Variants in SNCAIP observed in about 807,000 individuals in gnomAD.
SNCAIP encodes the protein synphilin-1.
Under a neutral mutation model 86.7 loss-of-function variants are expected in SNCAIP, and 43 were observed. That is an observed-to-expected ratio of 0.50 (90% CI 0.39 to 0.64). The LOEUF (loss-of-function observed/expected upper bound fraction) is 0.64, where lower values mean the gene tolerates loss of function less well. SNCAIP is among the 30% of genes least tolerant of loss of function. The pLI, the probability that SNCAIP is intolerant of heterozygous loss-of-function variation, is 0.00. For synonymous variants in SNCAIP, 417 were observed against 427.2 expected (o/e 0.98, Z 0.29); for missense variants, 981 against 1,103.1 (o/e 0.89, Z 1.57).
chr5:122,409,547 C>T (rs1332925444), intron 3 of SNCAIP, among the ~76,000 whole-genome samples: 1 of 152,048 alleles, frequency 6.6e-6, no homozygotes, highest in African/African-American at 2.4e-5. Context: ...AATTTTATAC[C>T]TAAATAATAT....
At chr5:122,386,633 TGTCATTAGCA>T (rs952935466) in intron 1 of SNCAIP, among the ~76,000 whole-genome samples, 1 of 152,154 alleles carries the variant, frequency 6.6e-6, no homozygotes, top group Non-Finnish European at 1.5e-5. Context: ...GGAGCCAAGC[TGTCATTAGCA>T]GTTTCTGCAC....
intron 1 of SNCAIP, among the ~76,000 whole-genome samples, chr5:122,377,622 C>G (rs973532749): frequency 2.6e-5 from 4 of 151,814 alleles, no homozygotes; most frequent in African/African-American, 9.7e-5. Context: ...ATGTGCCATG[C>G]TGGTGCGCTG....
chr5:122,348,308 C>T (rs996689834), intron 1 of SNCAIP, among the ~76,000 whole-genome samples: 4 of 152,120 alleles, frequency 2.6e-5, no homozygotes, highest in Non-Finnish European at 4.4e-5. Flanking sequence ...ATAGCTTTCA[C>T]TGTGTGGAAT....
chr5:122,446,135 C>T (rs2617277), intron 8 of SNCAIP, among the ~76,000 whole-genome samples: 2 of 152,108 alleles, frequency 1.3e-5, no homozygotes, highest in African/African-American at 4.8e-5. Flanking sequence ...AGTAAGCTGT[C>T]TCCCCACAGT....
chr5:122,348,539 T>C (rs1006663702), intron 1 of SNCAIP, among the ~76,000 whole-genome samples: 1 of 152,154 alleles, frequency 6.6e-6, no homozygotes, highest in Non-Finnish European at 1.5e-5. Flanking sequence ...GATTATAAGA[T>C]GCTTATAACA....
At chr5:122,365,645 C>T (rs767423920) in intron 1 of SNCAIP, among the ~76,000 whole-genome samples, 14 of 152,312 alleles carry the variant, frequency 9.2e-5, no homozygotes, top group Non-Finnish European at 1.9e-4. Flanking sequence ...CGCCACTGCA[C>T]TCTAGTCTGG....
rs1783567127 is a variant in SNCAIP, at chr5:122,450,877, A to T, written c.2030A>T (p.Glu677Val). 2 of 1,614,104 alleles carry T rather than the reference A, an allele frequency of 1.2e-6. No homozygotes were observed. The highest frequency in any genetic ancestry group is 4.5e-5 in the East Asian group (2 of 44,880). Residue 677 changes from glutamate to valine, a missense_variant, in exon 10 of 11, where the codon GAG (glutamate) becomes GTG (valine). Transcript: ENST00000261368. ...CAGCTGATGCAGAGGTCACTGAGTG[A>T]GTCTGACACAGACTCCAACAACTCT... ...LRQLMQRSLS[E>V]SDTDSNNSED...
At chr5:122,376,487 G>A (rs1274702465) in intron 1 of SNCAIP, among the ~76,000 whole-genome samples, 1 of 152,076 alleles carries the variant, frequency 6.6e-6, no homozygotes, top group Non-Finnish European at 1.5e-5. Context: ...GACATGATTG[G>A]TTGGCTTAAG....
At chr5:122,320,415 G>A (rs776565911) in intron 1 of SNCAIP, among the ~76,000 whole-genome samples, 14 of 152,154 alleles carry the variant, frequency 9.2e-5, no homozygotes, top group African/African-American at 3.1e-4. Flanking sequence ...TCACAGCAGT[G>A]AGCAGACAGA....
At chr5:122,345,300 C>A (rs940207451) in intron 1 of SNCAIP, among the ~76,000 whole-genome samples, 1 of 152,132 alleles carries the variant, frequency 6.6e-6, no homozygotes, top group African/African-American at 2.4e-5. Context: ...GAACCTATTT[C>A]TTACTTTTAA....
chr5:122,359,167 T>C (rs1405999632), intron 1 of SNCAIP, among the ~76,000 whole-genome samples: 1 of 149,940 alleles, frequency 6.7e-6, no homozygotes, highest in Admixed American at 6.6e-5. Context: ...TAATATGTCA[T>C]TTTTATTTTA....
intron 1 of SNCAIP, among the ~76,000 whole-genome samples, chr5:122,376,009 A>G (rs569115965): frequency 6.6e-5 from 10 of 152,302 alleles, no homozygotes; most frequent in Non-Finnish European, 1.5e-4. Context: ...GACCAGCAGC[A>G]TCAGCATCAC....
At chr5:122,377,397 C>T (rs533600605) in intron 1 of SNCAIP, among the ~76,000 whole-genome samples, 2 of 152,068 alleles carry the variant, frequency 1.3e-5, no homozygotes, top group South Asian at 4.2e-4. Context: ...CTGCACAGCT[C>T]CTGTGAGCAT....
At chr5:122,402,727 C>T (rs1176040056) in intron 2 of SNCAIP, among the ~76,000 whole-genome samples, 1 of 152,178 alleles carries the variant, frequency 6.6e-6, no homozygotes, top group Non-Finnish European at 1.5e-5. Context: ...ACATTCTTCA[C>T]TTGTAATGCT....
At chr5:122,357,527 C>T (rs1473227851) in intron 1 of SNCAIP, among the ~76,000 whole-genome samples, 1 of 152,126 alleles carries the variant, frequency 6.6e-6, no homozygotes, top group Non-Finnish European at 1.5e-5. Flanking sequence ...AGCCACCGTG[C>T]TCAGCCAATG....
chr5:122,440,443 C>G, intron 6 of SNCAIP, 186 bp from the exon 7 acceptor site: 1 of 618,474 alleles, frequency 1.6e-6, no homozygotes, highest in Non-Finnish European at 2.9e-6. Context: ...TCTATGCCGT[C>G]CTCTTTCATT....
At chr5:122,380,506 A>C (rs1037529322) in intron 1 of SNCAIP, among the ~76,000 whole-genome samples, 2 of 149,650 alleles carry the variant, frequency 1.3e-5, no homozygotes, top group African/African-American at 5.0e-5. Flanking sequence ...TGAATTCATT[A>C]ATTTTTTGAA....
intron 1 of SNCAIP, among the ~76,000 whole-genome samples, chr5:122,322,986 CCT>C (rs1341369236): frequency 6.6e-6 from 1 of 152,116 alleles, no homozygotes; most frequent in African/African-American, 2.4e-5. Context: ...TAATTGAAAA[CCT>C]ATAAAAAGGC....
At chr5:122,395,824 G>A (rs1770491642) in intron 2 of SNCAIP, among the ~76,000 whole-genome samples, 1 of 152,032 alleles carries the variant, frequency 6.6e-6, no homozygotes, top group South Asian at 2.1e-4. Flanking sequence ...AGAGTATAAA[G>A]GTATTCAAGG....
Sources: allele counts gnomAD v4.1 joint callset (sites outside exome capture counted in the v4.1 genomes callset), GRCh38; gene constraint gnomAD v4.1.1; transcripts MANE v1.5; gene names NCBI Gene and HGNC (gene_info 2026-07-23, HGNC 2026-07-21).